Variants in DENND1B observed in about 807,000 individuals in gnomAD.
The protein encoded by DENND1B is DENN domain containing 1B.
A neutral mutation model predicts 90.1 loss-of-function variants in DENND1B; 59 were observed. The observed-to-expected ratio is 0.65, with a 90% CI of 0.53 to 0.81. DENND1B has a LOEUF of 0.81. Ranked by LOEUF, DENND1B falls within the 40% of genes least tolerant of loss-of-function variation. The pLI is 0.00. For synonymous variants in DENND1B, 337 were observed against 324.6 expected (o/e 1.04, Z -0.41); for missense variants, 862 against 912.6 (o/e 0.94, Z 0.71).
At chr1:197,591,519 G>A (rs535827768) in intron 14 of DENND1B, among the ~76,000 whole-genome samples, 1 of 152,126 alleles carries the variant, frequency 6.6e-6, no homozygotes, top group Admixed American at 6.5e-5. Context: ...GTCCTGCTGT[G>A]TAGAGCATTA....
At chr1:197,661,366 G>C (rs150810478) in intron 5 of DENND1B, among the ~76,000 whole-genome samples, 27 of 151,782 alleles carry the variant, frequency 1.8e-4, no homozygotes, top group Non-Finnish European at 3.8e-4. Flanking sequence ...TCCTTAGTTA[G>C]AGCCTAATTG....
At chr1:197,570,113 C>T (rs1673022054) in intron 15 of DENND1B, among the ~76,000 whole-genome samples, 1 of 151,592 alleles carries the variant, frequency 6.6e-6, no homozygotes, top group South Asian at 2.1e-4. Context: ...AAAATAATGG[C>T]CAGGCACACT....
the DENND1B span, among the ~76,000 whole-genome samples, chr1:197,780,849 C>T: frequency 6.6e-6 from 1 of 152,138 alleles, no homozygotes; most frequent in Non-Finnish European, 1.5e-5. Flanking sequence ...TTTCCTCAAA[C>T]CAGGTCCAAA....
intron 13 of DENND1B, among the ~76,000 whole-genome samples, chr1:197,605,129 A>G (rs967448610): frequency 6.6e-6 from 1 of 150,944 alleles, no homozygotes; most frequent in Admixed American, 6.6e-5. Context: ...ATTTTTATCT[A>G]TATTTTTAAA....
intron 2 of DENND1B, among the ~76,000 whole-genome samples, chr1:197,740,725 T>C (rs1571572520): frequency 6.6e-6 from 1 of 152,318 alleles, no homozygotes; most frequent in South Asian, 2.1e-4. Flanking sequence ...AAATGATTTA[T>C]GCAAGATCAT....
chr1:197,683,751 T>C (rs1656935829), intron 3 of DENND1B, among the ~76,000 whole-genome samples: 1 of 152,214 alleles, frequency 6.6e-6, no homozygotes, highest in Non-Finnish European at 1.5e-5. Context: ...AATTTTCTCT[T>C]ACAACGATGA....
chr1:197,741,245 CAT>C (rs750186708), intron 2 of DENND1B, among the ~76,000 whole-genome samples: 5 of 152,120 alleles, frequency 3.3e-5, no homozygotes, highest in African/African-American at 4.8e-5. Flanking sequence ...GTACTTCTGA[CAT>C]ATCCCAAGAT....
intron 13 of DENND1B, among the ~76,000 whole-genome samples, chr1:197,603,311 T>C (rs1321130858): frequency 3.3e-5 from 5 of 151,376 alleles, no homozygotes; most frequent in Admixed American, 2.0e-4. Flanking sequence ...TTCATTACAT[T>C]GTATATCACA....
intron 6 of DENND1B, among the ~76,000 whole-genome samples, chr1:197,656,559 G>A (rs1653847707): frequency 6.6e-6 from 1 of 152,220 alleles, no homozygotes; most frequent in East Asian, 1.9e-4. Flanking sequence ...TTGGTAGATG[G>A]GAAGCAGAGG....
intron 18 of DENND1B, chr1:197,545,583 A>G: frequency 5.1e-6 from 1 of 195,088 alleles, no homozygotes; most frequent in Non-Finnish European, 1.0e-5. Context: ...TTTCTACTTG[A>G]GCCGCAAGTA....
intron 1 of DENND1B, 147 bp downstream of exon 1, chr1:197,774,992 G>A (rs1340477394): frequency 2.5e-6 from 1 of 397,044 alleles, no homozygotes; most frequent in African/African-American, 2.1e-5. Context: ...CCAGAGGCTT[G>A]GGGGCCGGAC....
chr1:197,669,890 ATTATCT>A (rs1177908175), intron 5 of DENND1B, among the ~76,000 whole-genome samples: 3 of 152,064 alleles, frequency 2.0e-5, no homozygotes, highest in African/African-American at 7.2e-5. Flanking sequence ...TTTGGTTTTC[ATTATCT>A]TTATCTAATA....
chr1:197,547,987 A>G (rs549843993), intron 16 of DENND1B, among the ~76,000 whole-genome samples: 2 of 152,216 alleles, frequency 1.3e-5, no homozygotes, highest in African/African-American at 2.4e-5. Context: ...AGTATTCTGG[A>G]AAGTGTTTTA....
intron 10 of DENND1B, among the ~76,000 whole-genome samples, chr1:197,627,391 T>A (rs1286208356): frequency 6.6e-6 from 1 of 152,084 alleles, no homozygotes; most frequent in Non-Finnish European, 1.5e-5. Flanking sequence ...AATCAATAAA[T>A]GTAATCCAGC....
intron 5 of DENND1B, among the ~76,000 whole-genome samples, chr1:197,663,619 T>C (rs998965206): frequency 6.6e-6 from 1 of 152,076 alleles, no homozygotes; most frequent in African/African-American, 2.4e-5. Context: ...CTCTTAAAAG[T>C]CAAAAGAACT....
At chr1:197,541,922 T>C (rs1041595175) in intron 18 of DENND1B, among the ~76,000 whole-genome samples, 3 of 152,212 alleles carry the variant, frequency 2.0e-5, no homozygotes, top group African/African-American at 7.2e-5. Flanking sequence ...TGCTCTTTAG[T>C]ATACAGAGTT....
At chr1:197,601,059 C>A (rs1461866966) in intron 13 of DENND1B, among the ~76,000 whole-genome samples, 1 of 151,420 alleles carries the variant, frequency 6.6e-6, no homozygotes, top group Admixed American at 6.6e-5. Context: ...ATTAGGATAC[C>A]ACTGTAATTC....
At chr1:197,677,716 A>C (rs956310870) in intron 3 of DENND1B, among the ~76,000 whole-genome samples, 1 of 152,166 alleles carries the variant, frequency 6.6e-6, no homozygotes, top group African/African-American at 2.4e-5. Flanking sequence ...GAATACCACC[A>C]ATAATTAAGG....
chr1:197,678,372 T>C, intron 3 of DENND1B, among the ~76,000 whole-genome samples: 1 of 152,220 alleles, frequency 6.6e-6, no homozygotes, highest in East Asian at 1.9e-4. Context: ...TGAATAACAC[T>C]TTCAGAATCA....
Sources: allele counts gnomAD v4.1 joint callset (sites outside exome capture counted in the v4.1 genomes callset), GRCh38; gene constraint gnomAD v4.1.1; transcripts MANE v1.5; gene names NCBI Gene and HGNC (gene_info 2026-07-23, HGNC 2026-07-21).